ERICH3: variants seen among roughly 807,000 people sequenced by gnomAD.
ERICH3 encodes the protein glutamate-rich protein 3.
In ERICH3, 126 loss-of-function variants were observed where a neutral mutation model predicts 131.1. The observed-to-expected ratio is 0.96, with a 90% CI of 0.83 to 1.11. ERICH3 has a LOEUF of 1.11. Ranked by LOEUF, ERICH3 falls within the 50% of genes most tolerant of loss-of-function variation. The pLI is 0.00. For missense variants in ERICH3, 2,050 were observed against 1,810.7 expected (o/e 1.13, Z -2.40); for synonymous variants, 695 against 644.6 (o/e 1.08, Z -1.18).
chr1:74,667,480 A>G (rs1280785418), intron 1 of ERICH3, among the ~76,000 whole-genome samples: 2 of 152,210 alleles, frequency 1.3e-5, no homozygotes, highest in African/African-American at 4.8e-5. Context: ...CTGTACCAAA[A>G]TGAATAACTA....
intron 1 of ERICH3, among the ~76,000 whole-genome samples, chr1:74,649,651 C>T (rs1036799506): frequency 6.6e-6 from 1 of 152,112 alleles, no homozygotes; most frequent in Non-Finnish European, 1.5e-5. Flanking sequence ...TCAAAAAGGG[C>T]TTCACATTGG....
chr1:74,610,910 C>T (rs889566847), intron 9 of ERICH3, among the ~76,000 whole-genome samples: 2 of 152,050 alleles, frequency 1.3e-5, no homozygotes, highest in African/African-American at 4.8e-5. Context: ...ATTCCTTAAC[C>T]ATTTTCTTTA....
intron 4 of ERICH3, 42 bp from the exon 5 acceptor site, chr1:74,641,501 T>C: frequency 6.3e-7 from 1 of 1,589,534 alleles, no homozygotes; most frequent in Non-Finnish European, 8.6e-7. Flanking sequence ...GCATAGTTAG[T>C]AATCTAGGTT....
intron 9 of ERICH3, 47 bp from the exon 10 acceptor site, chr1:74,606,949 C>T (rs1435342351): frequency 2.7e-6 from 4 of 1,501,470 alleles, no homozygotes; most frequent in Middle Eastern, 3.6e-4. Context: ...TTGTAGACAG[C>T]ACAATGGAAC....
intron 8 of ERICH3, among the ~76,000 whole-genome samples, chr1:74,617,738 G>GT (rs1649038611): frequency 6.6e-6 from 1 of 152,194 alleles, no homozygotes; most frequent in African/African-American, 2.4e-5. Flanking sequence ...CTGAAGTGCT[G>GT]GAGATGTCCT....
chr1:74,622,081 A>G (rs557187065), intron 7 of ERICH3: 5 of 152,350 alleles, frequency 3.3e-5, no homozygotes, highest in Admixed American at 6.5e-5. Context: ...ACGCTGCAAC[A>G]AACATTTTTG....
chr1:74,597,731 G>T (rs546374400), intron 11 of ERICH3, among the ~76,000 whole-genome samples: 1 of 151,820 alleles, frequency 6.6e-6, no homozygotes, highest in Admixed American at 6.6e-5. Flanking sequence ...AATATGCAGA[G>T]GATTCCTTAC....
chr1:74,630,296 T>A (rs942873161), intron 7 of ERICH3, among the ~76,000 whole-genome samples: 1 of 152,202 alleles, frequency 6.6e-6, no homozygotes, highest in African/African-American at 2.4e-5. Flanking sequence ...GTAGATTCTA[T>A]TATTGTTCCA....
intron 6 of ERICH3, 59 bp downstream of exon 6, chr1:74,636,221 T>C: frequency 1.5e-6 from 2 of 1,364,874 alleles, no homozygotes; most frequent in Non-Finnish European, 2.0e-6. Context: ...ACCACTGTAA[T>C]AACCTATAAT....
Position 74,571,417 on chromosome 1 carries a change from C to T in ERICH3, c.4293G>A (p.Val1431=). The T allele has an allele frequency of 6.2e-7, 1 of 1,613,966 alleles. No individual in the cohort carries two copies. The highest frequency in any genetic ancestry group is 8.5e-7 in the Non-Finnish European group (1 of 1,179,994). The change falls in exon 14 of 15, where the codon GTG becomes GTA. Residue 1431 remains valine (V), a synonymous_variant. Transcript: ENST00000326665. ...MTVTYTTEAG[V]GTPGALERKT... ...TCCGCTCCAGGGCTCCTGGAGTGCCCACCCCAGCCTCTGTTGTATATGTCA... is the reference window on the plus strand; with the variant it reads ...TCCGCTCCAGGGCTCCTGGAGTGCCTACCCCAGCCTCTGTTGTATATGTCA...
intron 10 of ERICH3, among the ~76,000 whole-genome samples, chr1:74,603,783 T>C (rs560922060): frequency 6.9e-4 from 105 of 152,058 alleles, no homozygotes; most frequent in Admixed American, 9.8e-4. Context: ...AAAATCACTT[T>C]ATTGATAAAA....
chr1:74,575,531 T>A (rs1450080517), intron 13 of ERICH3, among the ~76,000 whole-genome samples: 1 of 152,220 alleles, frequency 6.6e-6, no homozygotes, highest in African/African-American at 2.4e-5. Context: ...TACAGATTAT[T>A]ACCGTATTTG....
intron 12 of ERICH3, among the ~76,000 whole-genome samples, chr1:74,580,536 C>A (rs191173032): frequency 1.2e-4 from 19 of 152,280 alleles, no homozygotes; most frequent in Admixed American, 1.2e-3. Flanking sequence ...ACAATGTCAT[C>A]AATAATGACT....
chr1:74,673,491 A>G lies in ERICH3; in HGVS notation c.23+6T>C. On this transcript the variant is annotated splice_donor_region_variant and intron_variant, in intron 1 of 14. Coordinates refer to ENST00000326665, the MANE Select transcript of ERICH3 (RefSeq NM_001002912.5). ...ACAGCGTGGAAAAGCTCCAGTTGTCACTTACCCAGCGGGGTGAGAATGGCT... is the reference window on the plus strand; with the variant it reads ...ACAGCGTGGAAAAGCTCCAGTTGTCGCTTACCCAGCGGGGTGAGAATGGCT... 1 of 1,612,870 alleles carries G rather than the reference A, an allele frequency of 6.2e-7. No individual in the cohort carries two copies.
chr1:74,643,166 A>G, intron 3 of ERICH3, 68 bp from the exon 4 acceptor site: 1 of 1,226,552 alleles, frequency 8.2e-7, no homozygotes, highest in East Asian at 2.4e-5. Context: ...TTAGAGGAAA[A>G]TAATTCCAAC....
At chr1:74,592,588 GA>G (rs1647658582) in intron 11 of ERICH3, among the ~76,000 whole-genome samples, 1 of 152,090 alleles carries the variant, frequency 6.6e-6, no homozygotes, top group African/African-American at 2.4e-5. Context: ...TTTTAAAAAT[GA>G]GTGCTCCTCT....
At chr1:74,574,962 A>C (rs1647024210) in intron 13 of ERICH3, among the ~76,000 whole-genome samples, 1 of 151,922 alleles carries the variant, frequency 6.6e-6, no homozygotes, top group South Asian at 2.1e-4. Flanking sequence ...AAAATAAGTT[A>C]TCATACCAAG....
chr1:74,580,228 T>C (rs1647153548), intron 12 of ERICH3, among the ~76,000 whole-genome samples: 1 of 152,124 alleles, frequency 6.6e-6, no homozygotes, highest in Non-Finnish European at 1.5e-5. Context: ...TCCCACTTTA[T>C]TAATTTAGCA....
At chr1:74,634,083 G>T (rs1203880136) in intron 6 of ERICH3, among the ~76,000 whole-genome samples, 1 of 151,892 alleles carries the variant, frequency 6.6e-6, no homozygotes, top group Non-Finnish European at 1.5e-5. Context: ...CTTTAAAAAA[G>T]CAATAAGAGT....
Sources: gnomAD v4.1 joint callset for allele counts (sites outside exome capture counted in the v4.1 genomes callset) on GRCh38, gnomAD v4.1.1 for gene constraint, MANE v1.5 for transcripts, NCBI Gene and HGNC (gene_info 2026-07-23, HGNC 2026-07-21) for gene names.